NBAS: variants seen among roughly 807,000 people sequenced by gnomAD.
The protein encoded by NBAS is NBAS subunit of NRZ tethering complex, also known as NAG/BC035112 fusion.
In NBAS, 219 loss-of-function variants were observed where a neutral mutation model predicts 302.5. The observed-to-expected ratio is 0.72, with a 90% CI of 0.65 to 0.81. NBAS has a LOEUF of 0.81. NBAS is among the 30% of genes least tolerant of loss of function. NBAS has a pLI of 0.00. For missense variants in NBAS, 2,932 were observed against 2,841.6 expected (o/e 1.03, Z -0.72); for synonymous variants, 1,118 against 1,021.6 (o/e 1.09, Z -1.80).
the NBAS span, among the ~76,000 whole-genome samples, chr2:14,807,449 G>T: frequency 9.4e-6 from 1 of 106,540 alleles, no homozygotes; most frequent in Admixed American, 8.5e-5. Context: ...CCGTGTGTGT[G>T]TGTGAGTGTG....
At position 15,209,390 on chromosome 2, in the gene NBAS, C is replaced by T. The variant is rs1666301600; in HGVS notation, c.6432+9383G>A. 1.3e-5 allele frequency among the ~76,000 whole-genome samples: 2 copies of T among 152,058 alleles called. 1 individual carries two copies. The highest frequency in any genetic ancestry group is 4.1e-4 in the South Asian group (2 of 4,834). Reference sequence around the variant, plus strand: ...AAAGAAGAATAATACCAATCCTATTCCAACTATTCCAAACAATAGAGGAGG... The same window carrying T: ...AAAGAAGAATAATACCAATCCTATTTCAACTATTCCAAACAATAGAGGAGG... On this transcript the variant is annotated intron_variant, in intron 48 of 51. Coordinates refer to ENST00000281513, the MANE Select transcript of NBAS (RefSeq NM_015909.4).
intron 47 of NBAS, among the ~76,000 whole-genome samples, chr2:15,225,675 A>C (rs114786805): frequency 0.026 from 4,017 of 151,986 alleles, 72 homozygotes; most frequent in Middle Eastern, 0.054. Flanking sequence ...AAACAATCAA[A>C]CCCCCCCAAA....
the NBAS span, among the ~76,000 whole-genome samples, chr2:14,823,137 G>A: frequency 7.9e-5 from 12 of 152,268 alleles, no homozygotes; most frequent in Admixed American, 5.9e-4. Flanking sequence ...ACAGGGACTC[G>A]ATTTAAGCAA....
chr2:15,327,538 AT>A (rs1338718563), intron 38 of NBAS, among the ~76,000 whole-genome samples: 3 of 152,328 alleles, frequency 2.0e-5, no homozygotes, highest in African/African-American at 7.2e-5. Flanking sequence ...TAAATCCTCA[AT>A]TTACGTACAA....
At position 15,443,115 on chromosome 2, in the gene NBAS, T is replaced by C. The variant is rs538089770; in HGVS notation, c.2340-15321A>G. On this transcript the variant is annotated intron_variant, in intron 21 of 51. Transcript: ENST00000281513. ...ACCATTCCTTCTGAAACTATTCCAA[T>C]TAACAGAAAAAGAGGGAATCCTCCC... Among the ~76,000 whole-genome samples the C allele has an allele frequency of 8.1e-3, 1,234 of 152,170 alleles. 15 individuals carry two copies. Among genetic ancestry groups the C allele is most frequent in the African/African-American group, 0.028 (1,165 of 41,486 alleles).
At chr2:14,945,066 G>A in the NBAS span, among the ~76,000 whole-genome samples, 1 of 152,220 alleles carries the variant, frequency 6.6e-6, no homozygotes, top group Admixed American at 6.5e-5. Context: ...CAAAGGAGAT[G>A]CCAAATCAGA....
chr2:15,272,928 A>T (rs906832181), intron 44 of NBAS, among the ~76,000 whole-genome samples: 1 of 152,242 alleles, frequency 6.6e-6, no homozygotes, highest in Non-Finnish European at 1.5e-5. Flanking sequence ...ATTTAAAATC[A>T]CCTAACTTAA....
At chr2:15,436,852 G>A (rs766442939) in intron 21 of NBAS, among the ~76,000 whole-genome samples, 2 of 151,996 alleles carry the variant, frequency 1.3e-5, no homozygotes, top group East Asian at 1.9e-4. Flanking sequence ...TTTTTGATTC[G>A]TTAGTGGAAT....
intron 23 of NBAS, among the ~76,000 whole-genome samples, chr2:15,420,308 TGACATTAA>T (rs1466841569): frequency 4.6e-5 from 7 of 152,084 alleles, no homozygotes; most frequent in Non-Finnish European, 8.8e-5. Context: ...GAAGAGAATG[TGACATTAA>T]GAGGTAGACT....
intron 47 of NBAS, among the ~76,000 whole-genome samples, chr2:15,224,639 G>GA (rs1572479898): frequency 6.6e-6 from 1 of 152,302 alleles, no homozygotes; most frequent in South Asian, 2.1e-4. Context: ...GAAAATAGTG[G>GA]AAAAAACAGG....
Position 15,504,191 on chromosome 2 carries a change from A to G in NBAS, c.908T>C (p.Leu303Ser). 1 of 1,613,302 alleles carries G rather than the reference A, an allele frequency of 6.2e-7. No individual in the cohort carries two copies. Among genetic ancestry groups the G allele is most frequent in the Non-Finnish European group, 8.5e-7 (1 of 1,179,288 alleles). ...GTAAAACTTGACACTTAACATCCTT[A>G]ATAATCCCAGTGTCTTCGGTACCTG... ...VTAVPKTLGL[L>S]RMLSVKFYSR... Residue 303 changes from leucine (L) to serine (S), a missense_variant, in exon 11 of 52, where the codon TTA becomes TCA. Transcript: ENST00000281513.
At chr2:14,835,573 A>G in the NBAS span, among the ~76,000 whole-genome samples, 1 of 151,810 alleles carries the variant, frequency 6.6e-6, no homozygotes, top group African/African-American at 2.4e-5. Context: ...CCTGAATTCT[A>G]TTTTGACCCT....
At chr2:15,219,661 GA>G (rs1666838046) in intron 47 of NBAS, among the ~76,000 whole-genome samples, 1 of 138,604 alleles carries the variant, frequency 7.2e-6, no homozygotes, top group Admixed American at 7.5e-5. Flanking sequence ...AGATCAACAG[GA>G]TCCCAAGGCA....
chr2:15,207,994 T>A (rs1666225704), intron 48 of NBAS, among the ~76,000 whole-genome samples: 1 of 151,850 alleles, frequency 6.6e-6, no homozygotes, highest in Admixed American at 6.6e-5. Context: ...ATAACAGTTG[T>A]AAATATATAT....
At chr2:14,895,885 A>G in the NBAS span, among the ~76,000 whole-genome samples, 1 of 152,110 alleles carries the variant, frequency 6.6e-6, no homozygotes, top group African/African-American at 2.4e-5. Flanking sequence ...CTGAAGAATT[A>G]CCTACTTGGT....
Position 15,254,318 on chromosome 2 carries a change from A to T in NBAS, c.5725-15632T>A, listed in dbSNP as rs529925737. Among the ~76,000 whole-genome samples, 6 of 152,234 alleles carry T rather than the reference A, an allele frequency of 3.9e-5. No individual in the cohort carries two copies. In the South Asian group the frequency reaches 1.2e-3, roughly 32 times the overall value. ...CCCAAACTGCATTTTAAAAAACCTT[A>T]ACCTAGAAGGCTTCAATTGATTAAG... On this transcript the variant is annotated intron_variant, in intron 44 of 51. Coordinates refer to ENST00000281513, the MANE Select transcript of NBAS (RefSeq NM_015909.4).
chr2:15,038,745 A>C, the NBAS span, among the ~76,000 whole-genome samples: 2 of 152,288 alleles, frequency 1.3e-5, no homozygotes, highest in African/African-American at 4.8e-5. Context: ...GACCATGTGA[A>C]TATCTCCCAC....
chr2:14,822,073 A>G, the NBAS span, among the ~76,000 whole-genome samples: 1 of 152,084 alleles, frequency 6.6e-6, no homozygotes, highest in East Asian at 1.9e-4. Context: ...ATGACACCCA[A>G]AAATGTTATT....
the NBAS span, among the ~76,000 whole-genome samples, chr2:15,132,465 G>A: frequency 2.6e-5 from 4 of 152,074 alleles, no homozygotes; most frequent in Non-Finnish European, 4.4e-5. Flanking sequence ...GTGGATTTGG[G>A]GGGCAGTAAA....
Sources: allele counts gnomAD v4.1 joint callset (sites outside exome capture counted in the v4.1 genomes callset), GRCh38; gene constraint gnomAD v4.1.1; transcripts MANE v1.5; gene names NCBI Gene and HGNC (gene_info 2026-07-23, HGNC 2026-07-21).